The following COMMD10 variants were observed in gnomAD, a reference collection of about 807,000 sequenced individuals.
COMMD10 encodes the protein COMM domain-containing protein 10.
Under a neutral mutation model 28.9 loss-of-function variants are expected in COMMD10, and 33 were observed. The ratio of observed to expected loss-of-function variants is 1.14; its 90% CI spans 0.87 to 1.53. COMMD10 has a LOEUF of 1.53. COMMD10 is among the 40% of genes most tolerant of loss of function. The probability of loss-of-function intolerance (pLI) is 0.00; values close to 1 mark genes in which losing one functional copy is unlikely to be tolerated. For missense variants in COMMD10, 310 were observed against 233.4 expected, an observed-to-expected ratio of 1.33 and a Z score of -2.14; for synonymous variants, 110 against 81.7, an observed-to-expected ratio of 1.35 and a Z score of -1.87.
At chr5:116,200,791 C>A (rs148670221) in intron 5 of COMMD10, among the ~76,000 whole-genome samples, 161 of 152,088 alleles carry the variant, frequency 1.1e-3, no homozygotes, top group African/African-American at 3.7e-3. Flanking sequence ...TTGTACTTCC[C>A]ATCTGTTATT....
At chr5:116,107,751 A>G (rs1580450201) in intron 4 of COMMD10, among the ~76,000 whole-genome samples, 1 of 151,934 alleles carries the variant, frequency 6.6e-6, no homozygotes, top group East Asian at 1.9e-4. Flanking sequence ...CCTTTGGAGG[A>G]GAAGAGCTGT....
At chr5:116,168,798 T>C (rs7725803) in intron 5 of COMMD10, among the ~76,000 whole-genome samples, 47,414 of 152,036 alleles carry the variant, frequency 0.31, 10,363 homozygotes, top group African/African-American at 0.63. Flanking sequence ...AAAGACACAA[T>C]GTACCAGAAT....
At chr5:116,117,189 G>GT (rs1253975374) in intron 4 of COMMD10, among the ~76,000 whole-genome samples, 1 of 152,004 alleles carries the variant, frequency 6.6e-6, no homozygotes, top group Non-Finnish European at 1.5e-5. Flanking sequence ...GTATGTTTGG[G>GT]TTTTTTACAG....
intron 5 of COMMD10, among the ~76,000 whole-genome samples, chr5:116,155,403 A>G (rs2112558965): frequency 6.6e-6 from 1 of 152,216 alleles, no homozygotes; most frequent in South Asian, 2.1e-4. Context: ...TACTATTTTC[A>G]TTAAGAAAGT....
intron 5 of COMMD10, among the ~76,000 whole-genome samples, chr5:116,259,212 G>A (rs1451505039): frequency 5.3e-5 from 8 of 151,066 alleles, no homozygotes; most frequent in South Asian, 2.1e-4. Flanking sequence ...ACAGGTGCAC[G>A]CCACCATGCC....
chr5:116,124,520 C>T (rs13153586), intron 4 of COMMD10, among the ~76,000 whole-genome samples: 76,521 of 151,548 alleles, frequency 0.5, 21,878 homozygotes, highest in Non-Finnish European at 0.65. Flanking sequence ...AATTGCGATG[C>T]GGTGCTGAGA....
intron 5 of COMMD10, among the ~76,000 whole-genome samples, chr5:116,150,898 A>C (rs1211971048): frequency 2.0e-5 from 3 of 151,084 alleles, no homozygotes; most frequent in Non-Finnish European, 4.4e-5. Context: ...CACTATGTTG[A>C]ATAGGAGTGG....
intron 5 of COMMD10, among the ~76,000 whole-genome samples, chr5:116,168,574 A>G (rs1051540824): frequency 2.0e-5 from 3 of 152,200 alleles, no homozygotes; most frequent in Non-Finnish European, 2.9e-5. Flanking sequence ...AATTGACCAC[A>G]TAATTGGAAG....
chr5:116,178,797 T>C (rs140660044), intron 5 of COMMD10, among the ~76,000 whole-genome samples: 2 of 152,284 alleles, frequency 1.3e-5, no homozygotes, highest in African/African-American at 4.8e-5. Flanking sequence ...CCCTGATTTA[T>C]TCTCAGAAGT....
rs556569011 is a variant in COMMD10 at position 116,148,897 on chromosome 5, A to G, written c.510+14719A>G. Among the ~76,000 whole-genome samples the G allele has an allele frequency of 4.0e-5, 6 of 151,274 alleles. 1 individual carries two copies. The South Asian group carries it at 1.3e-3, about 32-fold the overall frequency. ...TTAAGTTTTAGGGTACATGTGCACA[A>G]TGCGCAGGTTAGTTACATATGTATA... On this transcript the variant is annotated intron_variant, in intron 5 of 6. Transcript: ENST00000274458.
At position 116,114,687 on chromosome 5, in the gene COMMD10, A is replaced by G. The variant is rs114365326; in HGVS notation, c.400-19381A>G. 7.3e-3 allele frequency among the ~76,000 whole-genome samples: 1,111 copies of G among 152,338 alleles called. 16 individuals carry two copies. The highest frequency in any genetic ancestry group is 0.026 in the African/African-American group (1,081 of 41,576). On this transcript the variant is annotated intron_variant, in intron 4 of 6. Coordinates refer to ENST00000274458, the MANE Select transcript of COMMD10 (RefSeq NM_016144.4). The stretch of plus-strand genomic sequence containing the variant: ...ACAACACCTTTGCTGAAGTACTGCC[A>G]TGATGGGAGAGTGGGGCTACTGGTC...
intron 5 of COMMD10, among the ~76,000 whole-genome samples, chr5:116,266,865 A>C (rs1437574534): frequency 1.3e-5 from 2 of 152,032 alleles, no homozygotes; most frequent in African/African-American, 4.8e-5. Flanking sequence ...ATCTCAATAG[A>C]TGCAGAAAAG....
Position 116,277,810 on chromosome 5 carries a change from A to G in COMMD10, c.511-13707A>G, listed in dbSNP as rs1041580233. ...AGATAGAGAAAAATTAAGCCTGCAC[A>G]TGTTTTCAGTTACCTTTTTCTTACT... On this transcript the variant is annotated intron_variant, in intron 5 of 6. Transcript: ENST00000274458. 3.3e-5 allele frequency among the ~76,000 whole-genome samples: 5 copies of G among 152,054 alleles called. No individual in the cohort carries two copies. In the South Asian group the frequency reaches 6.2e-4, roughly 19 times the overall value.
chr5:116,185,612 A>G (rs1334679789), intron 5 of COMMD10, among the ~76,000 whole-genome samples: 3 of 152,070 alleles, frequency 2.0e-5, no homozygotes, highest in Non-Finnish European at 4.4e-5. Context: ...TTCTCTGAGA[A>G]CAAAACATAG....
intron 5 of COMMD10, among the ~76,000 whole-genome samples, chr5:116,154,419 G>T (rs372171017): frequency 6.6e-6 from 1 of 152,028 alleles, no homozygotes; most frequent in Non-Finnish European, 1.5e-5. Context: ...AACATTTCCT[G>T]AGCAATGCAA....
chr5:116,268,860 C>G (rs551024903), intron 5 of COMMD10, among the ~76,000 whole-genome samples: 1 of 151,542 alleles, frequency 6.6e-6, no homozygotes, highest in African/African-American at 2.4e-5. Context: ...GAAAACCAAA[C>G]ACCGCATATT....
chr5:116,107,261 C>G (rs1170501588), intron 4 of COMMD10, among the ~76,000 whole-genome samples: 2 of 152,138 alleles, frequency 1.3e-5, no homozygotes, highest in African/African-American at 2.4e-5. Flanking sequence ...GGATAATACC[C>G]TGAAGAGTGT....
intron 5 of COMMD10, among the ~76,000 whole-genome samples, chr5:116,162,551 TATATC>T (rs1752951016): frequency 6.6e-6 from 1 of 152,212 alleles, no homozygotes; most frequent in African/African-American, 2.4e-5. Context: ...AGATAAGTGA[TATATC>T]TATATATGTA....
rs767535385 is a variant in COMMD10 at position 116,292,951 on chromosome 5, T to A, written c.*462T>A. ...ATCAAATACACTATGGCATTTTTAT[T>A]TGAATATGATGAGTATATTTTGCTT... On this transcript the variant is annotated 3_prime_UTR_variant, in exon 7 of 7. Coordinates refer to ENST00000274458, the MANE Select transcript of COMMD10 (RefSeq NM_016144.4). 2.5e-6 allele frequency: 1 copy of A among 396,832 alleles called. No individual in the cohort carries two copies. The highest frequency in any genetic ancestry group is 4.4e-6 in the Non-Finnish European group (1 of 224,950). The allele number at this position is 396,832 out of a possible 1,614,324, so 24.6% of individuals were successfully genotyped here. A position where few individuals can be genotyped will look rare whatever the true frequency, so the allele number is the denominator to read the frequency against.
Sources: gnomAD v4.1 joint callset for allele counts (sites outside exome capture counted in the v4.1 genomes callset) on GRCh38, gnomAD v4.1.1 for gene constraint, MANE v1.5 for transcripts, NCBI Gene and HGNC (gene_info 2026-07-23, HGNC 2026-07-21) for gene names.